PCCA: variants seen among roughly 807,000 people sequenced by gnomAD.
PCCA encodes the protein propionyl-CoA carboxylase alpha chain, mitochondrial.
Under a neutral mutation model 101.3 loss-of-function variants are expected in PCCA, and 74 were observed. The ratio of observed to expected loss-of-function variants is 0.73; its 90% CI spans 0.61 to 0.89. PCCA has a LOEUF of 0.89. Ranked by LOEUF, PCCA falls within the 40% of genes least tolerant of loss-of-function variation. The probability of loss-of-function intolerance (pLI) is 0.00; values close to 1 mark genes in which losing one functional copy is unlikely to be tolerated. For missense variants in PCCA, 891 were observed against 907.0 expected (o/e 0.98, Z 0.23); for synonymous variants, 294 against 313.6 (o/e 0.94, Z 0.66).
rs751471909 is a variant in PCCA at position 100,530,111 on chromosome 13, A to T, written c.2132A>T (p.His711Leu). 6.2e-7 allele frequency: 1 copy of T among 1,614,018 alleles called. No homozygotes were observed. ...TCAAAATTCAAGGTGAAATCTGTGC[A>T]CTGTCAAGCTGGAGACACAGTTGGA... ...AGKTGTVKSV[H>L]CQAGDTVGEG... The change falls in exon 24 of 24, where the codon CAC (histidine) becomes CTC (leucine). Residue 711 changes from histidine (H) to leucine (L), a missense_variant. His to Leu is a moderately conservative substitution (Grantham distance 99). Transcript: ENST00000376285.
intron 22 of PCCA, among the ~76,000 whole-genome samples, chr13:100,524,580 A>G (rs986330575): frequency 1.3e-5 from 2 of 152,296 alleles, no homozygotes; most frequent in African/African-American, 4.8e-5. Context: ...ATTTACAGCT[A>G]AATAATCTAG....
At chr13:100,172,245 C>G (rs2055758190) in intron 6 of PCCA, among the ~76,000 whole-genome samples, 1 of 150,948 alleles carries the variant, frequency 6.6e-6, no homozygotes, top group East Asian at 1.9e-4. Context: ...TATTTATATA[C>G]ATTTCTACAC....
At chr13:100,511,181 C>G (rs733275) in intron 21 of PCCA, among the ~76,000 whole-genome samples, 1 of 152,080 alleles carries the variant, frequency 6.6e-6, no homozygotes, top group Non-Finnish European at 1.5e-5. Context: ...ACTGTTTTAA[C>G]TCATATCTAG....
intron 4 of PCCA, among the ~76,000 whole-genome samples, chr13:100,136,342 C>T (rs900661612): frequency 2.0e-5 from 3 of 151,840 alleles, no homozygotes; most frequent in East Asian, 1.9e-4. Context: ...TGCACCACCA[C>T]GCCTGGCTAA....
At chr13:100,363,912 A>G (rs1186898809) in intron 18 of PCCA, among the ~76,000 whole-genome samples, 1 of 152,210 alleles carries the variant, frequency 6.6e-6, no homozygotes, top group Non-Finnish European at 1.5e-5. Flanking sequence ...TAAATGTATT[A>G]GTATTAATAG....
At chr13:100,188,522 T>C (rs2057497183) in intron 6 of PCCA, among the ~76,000 whole-genome samples, 2 of 152,262 alleles carry the variant, frequency 1.3e-5, no homozygotes. Context: ...TAAACATGCA[T>C]ATGCAAGTAT....
chr13:100,365,939 A>G (rs1176199850), intron 18 of PCCA, among the ~76,000 whole-genome samples: 1 of 152,220 alleles, frequency 6.6e-6, no homozygotes, highest in African/African-American at 2.4e-5. Flanking sequence ...GCCTCATGGT[A>G]GCTTGGTTTA....
chr13:100,200,547 A>T (rs543090037), intron 6 of PCCA, among the ~76,000 whole-genome samples: 3 of 151,952 alleles, frequency 2.0e-5, no homozygotes, highest in Admixed American at 6.6e-5. Context: ...TAGGAAAAAA[A>T]ATATACATAT....
chr13:100,105,357 C>T (rs1286007080), intron 2 of PCCA, among the ~76,000 whole-genome samples: 1 of 152,060 alleles, frequency 6.6e-6, no homozygotes, highest in African/African-American at 2.4e-5. Flanking sequence ...TTCATGTATC[C>T]ATGTGTTGCA....
rs528810282 is a variant in PCCA, at chr13:100,151,241, G to A, written c.301-3738G>A. ...AGTTATTTGGAAATTAGGCTCATAC[G>A]GGTAATAGTTGATGCTAGTAATTTT... is the stretch of plus-strand genomic sequence containing the variant. On this transcript the variant is annotated intron_variant, in intron 4 of 23. Coordinates refer to ENST00000376285, the MANE Select transcript of PCCA (RefSeq NM_000282.4). The A allele has an allele frequency of 4.0e-5, 23 of 579,740 alleles. No homozygotes were observed. In the East Asian group the frequency reaches 6.1e-4, roughly 15 times the overall value. 35.9% of individuals were successfully genotyped at this position (579,740 alleles called of 1,614,324 possible).
rs368449078 is a variant in PCCA, at chr13:100,453,460, A to G, written c.1899+4155A>G. Among the ~76,000 whole-genome samples, 7 of 145,794 alleles carry G rather than the reference A, an allele frequency of 4.8e-5. No individual in the cohort carries two copies. The East Asian group carries it at 1.2e-3, about 26-fold the overall frequency. ...GAGGTTGTAGTGAGCTGACATTGCAACCACTACACTCTAGTTTAAAAAAAA... is the reference window on the plus strand; with the variant it reads ...GAGGTTGTAGTGAGCTGACATTGCAGCCACTACACTCTAGTTTAAAAAAAA... On this transcript the variant is annotated intron_variant, in intron 21 of 23. Coordinates refer to ENST00000376285, the MANE Select transcript of PCCA (RefSeq NM_000282.4).
intron 21 of PCCA, among the ~76,000 whole-genome samples, chr13:100,513,448 C>T (rs2086624759): frequency 6.6e-6 from 1 of 152,290 alleles, no homozygotes; most frequent in Non-Finnish European, 1.5e-5. Flanking sequence ...GATTCTTTTA[C>T]ATCTCTTTCC....
intron 21 of PCCA, among the ~76,000 whole-genome samples, chr13:100,469,703 C>T (rs1283849924): frequency 6.6e-6 from 1 of 151,784 alleles, no homozygotes; most frequent in East Asian, 1.9e-4. Flanking sequence ...TCGCTTGAAA[C>T]CCGGAGGCTG....
intron 18 of PCCA, among the ~76,000 whole-genome samples, chr13:100,354,467 T>C (rs1282233976): frequency 1.3e-5 from 2 of 150,544 alleles, no homozygotes; most frequent in Non-Finnish European, 3.0e-5. Context: ...CATGGAAAAA[T>C]AGAGCAAACA....
At position 100,522,741 on chromosome 13, in the gene PCCA, G is replaced by A. The variant is rs190705759; in HGVS notation, c.2041-4934G>A. ...CCAAACAGACCTCAGCCCATTAGAA[G>A]GGCCTCCCTTGTGTGGGAGACCACA... is the stretch of plus-strand genomic sequence containing the variant. On this transcript the variant is annotated intron_variant, in intron 22 of 23. Transcript: ENST00000376285. Among the ~76,000 whole-genome samples the A allele has an allele frequency of 1.2e-3, 180 of 152,298 alleles. 1 individual carries two copies. The highest frequency in any genetic ancestry group is 4.0e-3 in the Admixed American group (61 of 15,308).
intron 18 of PCCA, among the ~76,000 whole-genome samples, chr13:100,364,052 G>A (rs890463916): frequency 1.3e-5 from 2 of 152,160 alleles, no homozygotes; most frequent in Non-Finnish European, 2.9e-5. Flanking sequence ...TGCTTTGTGA[G>A]TCACTGTTTA....
chr13:100,149,816 T>C (rs188552595), intron 4 of PCCA: 16 of 152,342 alleles, frequency 1.1e-4, no homozygotes, highest in African/African-American at 3.8e-4. Flanking sequence ...TTTCTCAGTA[T>C]GTACTAGTTT....
chr13:100,259,713 T>C (rs7492217), intron 9 of PCCA, among the ~76,000 whole-genome samples: 64,689 of 151,958 alleles, frequency 0.43, 15,592 homozygotes, highest in South Asian at 0.65. Flanking sequence ...ATCTCTGGCT[T>C]TCTTTTCCCT....
chr13:100,245,418 T>G (rs1317259000), intron 8 of PCCA, among the ~76,000 whole-genome samples: 1 of 152,204 alleles, frequency 6.6e-6, no homozygotes, highest in Non-Finnish European at 1.5e-5. Flanking sequence ...AGACCTCGAC[T>G]ATACCACATT....
Sources: allele counts gnomAD v4.1 joint callset (sites outside exome capture counted in the v4.1 genomes callset), GRCh38; gene constraint gnomAD v4.1.1; transcripts MANE v1.5; gene names NCBI Gene and HGNC (gene_info 2026-07-23, HGNC 2026-07-21).